ZNF365: variants seen among roughly 807,000 people sequenced by gnomAD.
The protein encoded by ZNF365 is protein ZNF365.
A neutral mutation model predicts 35.0 loss-of-function variants in ZNF365; 22 were observed. The observed-to-expected ratio is 0.63, with a 90% CI of 0.45 to 0.90. The LOEUF is 0.90. ZNF365 is among the 40% of genes least tolerant of loss of function. The pLI is 0.00. For synonymous variants in ZNF365, 188 were observed against 196.2 expected (o/e 0.96, Z 0.35); for missense variants, 448 against 500.3 (o/e 0.90, Z 1.00).
At chr10:62,463,822 T>C (rs1186239935) in intron 4 of ZNF365, among the ~76,000 whole-genome samples, 2 of 152,224 alleles carry the variant, frequency 1.3e-5, no homozygotes, top group African/African-American at 4.8e-5. Context: ...GTGGGATTTC[T>C]AGTAGAAGGA....
chr10:62,470,401 G>A (rs887744622), intron 4 of ZNF365, among the ~76,000 whole-genome samples: 6 of 152,284 alleles, frequency 3.9e-5, no homozygotes, highest in South Asian at 2.1e-4. Context: ...AGCCTAATTC[G>A]TGATTTAGCA....
intron 3 of ZNF365, among the ~76,000 whole-genome samples, chr10:62,417,094 A>G (rs1307186584): frequency 6.6e-6 from 1 of 152,098 alleles, no homozygotes; most frequent in Non-Finnish European, 1.5e-5. Context: ...CTCAGAAAGT[A>G]TACTTACTTT....
rs7084428 is a variant in ZNF365, at chr10:62,449,474, A to C, written c.925-10267A>C. 7.6e-3 allele frequency among the ~76,000 whole-genome samples: 1,153 copies of C among 152,326 alleles called. 11 individuals are homozygous for C. Among genetic ancestry groups the C allele is most frequent in the African/African-American group, 0.026 (1,100 of 41,560 alleles). On this transcript the variant is annotated intron_variant, in intron 3 of 4. Transcript: ENST00000395255. ...CTATGTTTGTATTTTATATTTTACAATACAAATCTTACAATCTGGAGCAAA... is the reference window on the plus strand; with the variant it reads ...CTATGTTTGTATTTTATATTTTACACTACAAATCTTACAATCTGGAGCAAA...
chr10:62,422,318 A>G (rs942206365), intron 3 of ZNF365, among the ~76,000 whole-genome samples: 4 of 152,136 alleles, frequency 2.6e-5, no homozygotes, highest in African/African-American at 9.7e-5. Context: ...TATGCCTTAC[A>G]CCCTCATCAT....
Position 62,413,405 on chromosome 10 carries a change from C to A in ZNF365, c.924+24829C>A. 2.6e-5 allele frequency among the ~76,000 whole-genome samples: 4 copies of A among 152,262 alleles called. No individual in the cohort carries two copies. In the South Asian group the frequency reaches 8.3e-4, roughly 32 times the overall value. Reference sequence around the variant, plus strand: ...TCCCTAAACTTATTTGACCATGGAACTGTTTCTTCTAAGGGAACATGCATT... The same window carrying A: ...TCCCTAAACTTATTTGACCATGGAAATGTTTCTTCTAAGGGAACATGCATT... On this transcript the variant is annotated intron_variant, in intron 3 of 4. Coordinates refer to the ZNF365 transcript ENST00000395255.
intron 3 of ZNF365, among the ~76,000 whole-genome samples, chr10:62,389,463 C>A (rs1301312540): frequency 6.6e-6 from 1 of 151,778 alleles, no homozygotes; most frequent in East Asian, 1.9e-4. Flanking sequence ...TGCTTCCACC[C>A]CCGCAGCAAA....
At chr10:62,374,563 A>T (rs1589422175) in intron 1 of ZNF365, 105 bp downstream of exon 1, 1 of 151,924 alleles carries the variant, frequency 6.6e-6, no homozygotes, top group Admixed American at 6.6e-5. Flanking sequence ...CATGGCGGGG[A>T]GTTGGGAGAG....
intron 3 of ZNF365, among the ~76,000 whole-genome samples, chr10:62,434,319 A>G (rs1052912159): frequency 6.6e-6 from 1 of 152,178 alleles, no homozygotes; most frequent in Non-Finnish European, 1.5e-5. Context: ...CAACAATCAA[A>G]TGAAAAACAA....
At chr10:62,412,538 C>T (rs1282131208) in intron 3 of ZNF365, among the ~76,000 whole-genome samples, 1 of 152,128 alleles carries the variant, frequency 6.6e-6, no homozygotes, top group Non-Finnish European at 1.5e-5. Flanking sequence ...ATCCCATCAT[C>T]TCAGCCCAAA....
intron 4 of ZNF365, among the ~76,000 whole-genome samples, chr10:62,475,281 T>A (rs1052474094): frequency 2.6e-5 from 4 of 152,144 alleles, no homozygotes; most frequent in Non-Finnish European, 5.9e-5. Context: ...CACTTTAAAG[T>A]CTGCAGTGGC....
chr10:62,464,870 G>T (rs954014859), intron 4 of ZNF365, among the ~76,000 whole-genome samples: 6 of 152,214 alleles, frequency 3.9e-5, no homozygotes, highest in Non-Finnish European at 8.8e-5. Flanking sequence ...ATCTGGAGTG[G>T]CCACTACAAG....
At position 62,401,139 on chromosome 10, in the gene ZNF365, CAT is replaced by C; in HGVS notation, c.*1358_*1359del. 1 of 946,650 alleles carries C rather than the reference CAT, an allele frequency of 1.1e-6. No homozygotes were observed. The highest frequency in any genetic ancestry group is 1.3e-6 in the Non-Finnish European group (1 of 794,934). 58.6% of individuals were successfully genotyped at this position (946,650 alleles called of 1,614,324 possible). ...TTGTCCACAAATATATACATATATA[CAT>C]ATATATAACACATACAAAATATATA... On this transcript the variant is annotated 3_prime_UTR_variant, in exon 5 of 5. Transcript: ENST00000395254.
Position 62,412,330 on chromosome 10 carries a change from A to G in ZNF365, c.924+23754A>G, listed in dbSNP as rs186767425. On this transcript the variant is annotated intron_variant, in intron 3 of 4. Transcript: ENST00000395255. ...ATATAACAAACCCACAGCCAATATC[A>G]TACTGAATGGGCAAAAGCTGGAAGA... Among the ~76,000 whole-genome samples, 67 of 152,286 alleles carry G rather than the reference A, an allele frequency of 4.4e-4. 1 individual carries two copies. Among genetic ancestry groups the G allele is most frequent in the African/African-American group, 1.5e-3 (63 of 41,544 alleles).
At chr10:62,430,199 A>G (rs1299954228) in intron 3 of ZNF365, among the ~76,000 whole-genome samples, 1 of 152,022 alleles carries the variant, frequency 6.6e-6, no homozygotes, top group Non-Finnish European at 1.5e-5. Flanking sequence ...ATCAAAAAGT[A>G]AAGACATTTT....
At chr10:62,414,619 G>A (rs1840043888) in intron 3 of ZNF365, among the ~76,000 whole-genome samples, 1 of 152,040 alleles carries the variant, frequency 6.6e-6, no homozygotes. Context: ...TGTTCATATG[G>A]CATCTCCCTA....
In ZNF365 at chr10:62,464,819, CAT is replaced by C. The variant is rs550259735; in HGVS notation, c.981+5024_981+5025del. 1.2e-3 allele frequency among the ~76,000 whole-genome samples: 176 copies of C among 152,316 alleles called. 1 individual carries two copies. Among genetic ancestry groups the C allele is most frequent in the African/African-American group, 4.1e-3 (169 of 41,574 alleles). On this transcript the variant is annotated intron_variant, in intron 4 of 4. Coordinates refer to the ZNF365 transcript ENST00000395255. ...GAGAAATTGTTAATTGTCAGAGTCA[CAT>C]AATCTATGTGATGGTGATGGTGATG...
intron 2 of ZNF365, among the ~76,000 whole-genome samples, chr10:62,377,324 G>A (rs953050107): frequency 1.3e-5 from 2 of 152,162 alleles, no homozygotes; most frequent in African/African-American, 2.4e-5. Context: ...GACAGTCTCC[G>A]TATTATAAAG....
intron 3 of ZNF365, among the ~76,000 whole-genome samples, chr10:62,441,384 C>A (rs1840499218): frequency 1.3e-5 from 2 of 152,134 alleles, no homozygotes; most frequent in African/African-American, 4.8e-5. Context: ...CTTTAAATAG[C>A]AAAATCCTAG....
At chr10:62,405,420 T>C (rs901339174), downstream of ZNF365, among the ~76,000 whole-genome samples, 2 of 152,242 alleles carry the variant, frequency 1.3e-5, no homozygotes, top group Non-Finnish European at 2.9e-5. Flanking sequence ...GGAACGCCTC[T>C]GTGACAGAGC....
Sources: gnomAD v4.1 joint callset for allele counts (sites outside exome capture counted in the v4.1 genomes callset) on GRCh38, gnomAD v4.1.1 for gene constraint, MANE v1.5 for transcripts, NCBI Gene and HGNC (gene_info 2026-07-23, HGNC 2026-07-21) for gene names.